C1orf94: variants seen among roughly 807,000 people sequenced by gnomAD.
C1orf94 encodes uncharacterized protein C1orf94.
In C1orf94, 45 loss-of-function variants were observed where a neutral mutation model predicts 53.6. The observed-to-expected ratio is 0.84, with a 90% confidence interval of 0.66 to 1.08. The LOEUF (loss-of-function observed/expected upper bound fraction) is 1.08, where lower values mean the gene tolerates loss of function less well. Ranked by LOEUF, C1orf94 falls within the 50% of genes least tolerant of loss-of-function variation. The pLI is 0.00. For missense variants in C1orf94, 762 were observed against 738.9 expected (o/e 1.03, Z -0.36); for synonymous variants, 304 against 296.1 (o/e 1.03, Z -0.27).
At chr1:34,191,716 C>A (rs926257142) in intron 1 of C1orf94, among the ~76,000 whole-genome samples, 14 of 152,100 alleles carry the variant, frequency 9.2e-5, no homozygotes, top group African/African-American at 3.4e-4. Context: ...CCAGCACTAA[C>A]AATTTTCTGC....
In C1orf94 at chr1:34,197,102, C is replaced by T. The variant is rs116206951; in HGVS notation, c.321-123C>T. The T allele has an allele frequency of 1.2e-3, 1,027 of 879,482 alleles. 12 individuals are homozygous for T. In the African/African-American group the frequency reaches 0.016, roughly 14 times the overall value. The allele number at this position is 879,482 out of a possible 1,614,324, so 54.5% of individuals were successfully genotyped here. A position where few individuals can be genotyped will look rare whatever the true frequency, so the allele number is the denominator to read the frequency against. On this transcript the variant is annotated intron_variant, in intron 1 of 6. Coordinates refer to ENST00000488417, the MANE Select transcript of C1orf94 (RefSeq NM_001134734.2). This position sits in a 1 kb window ranked among gnomAD's most constrained non-coding sequence, Gnocchi z 4.1. Reference sequence around the variant, plus strand: ...CCAGTGTGTCTGCTGGGTTATCTTGCCTGGAAGTGTGTTTTTGTCATGTTA... The same window carrying T: ...CCAGTGTGTCTGCTGGGTTATCTTGTCTGGAAGTGTGTTTTTGTCATGTTA...
chr1:34,167,872 G>A (rs1268651206), intron 1 of C1orf94, among the ~76,000 whole-genome samples: 1 of 152,052 alleles, frequency 6.6e-6, no homozygotes, highest in Non-Finnish European at 1.5e-5. Flanking sequence ...CCTGAGACAT[G>A]GATAAAGACC....
chr1:34,186,613 G>T (rs569660396), intron 1 of C1orf94, among the ~76,000 whole-genome samples: 1 of 152,224 alleles, frequency 6.6e-6, no homozygotes, highest in African/African-American at 2.4e-5. Context: ...GTCATCATAA[G>T]AGACAAATGC....
intron 1 of C1orf94, among the ~76,000 whole-genome samples, chr1:34,196,985 G>A (rs942499047): frequency 2.0e-5 from 3 of 152,208 alleles, no homozygotes; most frequent in Non-Finnish European, 4.4e-5. Flanking sequence ...CACTCAGCAA[G>A]GTTGTTGGGA....
chr1:34,206,912 G>A (rs1367182289), intron 4 of C1orf94, among the ~76,000 whole-genome samples: 1 of 152,204 alleles, frequency 6.6e-6, no homozygotes, highest in Non-Finnish European at 1.5e-5. Context: ...TCCCCTGCAT[G>A]GGAGCAGAGA....
At chr1:34,171,495 G>C (rs1442611142) in intron 1 of C1orf94, among the ~76,000 whole-genome samples, 1 of 152,152 alleles carries the variant, frequency 6.6e-6, no homozygotes, top group Non-Finnish European at 1.5e-5. Context: ...GGTTAAGTAG[G>C]TGCTCAGTAC....
chr1:34,194,049 G>C (rs935566414), intron 1 of C1orf94, among the ~76,000 whole-genome samples: 2 of 152,182 alleles, frequency 1.3e-5, no homozygotes, highest in African/African-American at 4.8e-5. Flanking sequence ...GGGGACATGA[G>C]TGTTTCCTTA....
At chr1:34,211,473 C>A (rs963888371) in intron 5 of C1orf94, among the ~76,000 whole-genome samples, 2 of 152,130 alleles carry the variant, frequency 1.3e-5, no homozygotes, top group African/African-American at 4.8e-5. Flanking sequence ...CCACTGAATT[C>A]CTGTATTTCC....
chr1:34,193,025 G>C (rs1453440926), intron 1 of C1orf94, among the ~76,000 whole-genome samples: 1 of 152,166 alleles, frequency 6.6e-6, no homozygotes, highest in Non-Finnish European at 1.5e-5. Flanking sequence ...GAATGTCCTA[G>C]CTCTGCAGGC....
upstream of C1orf94, among the ~76,000 whole-genome samples, chr1:34,176,310 G>A (rs919922905): frequency 7.2e-5 from 11 of 152,026 alleles, no homozygotes; most frequent in African/African-American, 2.7e-4. Flanking sequence ...CCTTTTCAGG[G>A]GAATTGCTAG....
chr1:34,201,629 A>G (rs1233038161), intron 3 of C1orf94, among the ~76,000 whole-genome samples: 1 of 152,226 alleles, frequency 6.6e-6, no homozygotes, highest in Non-Finnish European at 1.5e-5. Context: ...ACAACCTGTG[A>G]AAGTTTCTTA....
At chr1:34,184,313 CA>C (rs776057224) in intron 1 of C1orf94, among the ~76,000 whole-genome samples, 70 of 152,186 alleles carry the variant, frequency 4.6e-4, no homozygotes, top group Non-Finnish European at 7.5e-4. Context: ...TGAGAAGTTA[CA>C]TGGGAGTGAA....
At chr1:34,183,642 G>A (rs950085393) in intron 1 of C1orf94, among the ~76,000 whole-genome samples, 17 of 152,240 alleles carry the variant, frequency 1.1e-4, no homozygotes, top group African/African-American at 4.1e-4. Flanking sequence ...ATCACTTGAG[G>A]TCAGGAGTTT....
At chr1:34,213,071 A>T (rs4652996) in intron 6 of C1orf94, among the ~76,000 whole-genome samples, 102,239 of 152,190 alleles carry the variant, frequency 0.67, 34,750 homozygotes, top group East Asian at 0.78. Flanking sequence ...ATACATAGCC[A>T]TTCATTCCCA....
chr1:34,213,542 T>C (rs1642932129), intron 6 of C1orf94, among the ~76,000 whole-genome samples: 1 of 152,124 alleles, frequency 6.6e-6, no homozygotes, highest in Non-Finnish European at 1.5e-5. Flanking sequence ...TTTTATTTTA[T>C]TATTATTATT....
At chr1:34,192,839 G>A (rs886651044) in intron 1 of C1orf94, among the ~76,000 whole-genome samples, 6 of 152,118 alleles carry the variant, frequency 3.9e-5, no homozygotes, top group Non-Finnish European at 8.8e-5. Flanking sequence ...AAAGGCCCTC[G>A]GGCTGGAATG....
At chr1:34,191,474 T>C (rs1366679724) in intron 1 of C1orf94, among the ~76,000 whole-genome samples, 3 of 152,056 alleles carry the variant, frequency 2.0e-5, no homozygotes, top group Non-Finnish European at 4.4e-5. Flanking sequence ...CTCCAGGGAC[T>C]GACCTCTTAA....
chr1:34,212,460 G>A, intron 6 of C1orf94, 54 bp downstream of exon 6: 1 of 1,531,744 alleles, frequency 6.5e-7, no homozygotes, highest in Non-Finnish European at 8.8e-7. Context: ...GGTGGGAACG[G>A]GGGCAAGTTG....
At chr1:34,202,717 T>C (rs1228187310) in intron 4 of C1orf94, among the ~76,000 whole-genome samples, 1 of 152,194 alleles carries the variant, frequency 6.6e-6, no homozygotes, top group Non-Finnish European at 1.5e-5. Flanking sequence ...TTTGGGACAG[T>C]CCCAATTTAG....
Sources: allele counts gnomAD v4.1 joint callset (sites outside exome capture counted in the v4.1 genomes callset), GRCh38; gene constraint gnomAD v4.1.1; non-coding constraint Gnocchi (gnomAD v3.1); transcripts MANE v1.5; gene names NCBI Gene and HGNC (gene_info 2026-07-23, HGNC 2026-07-21).